Variants in ZDHHC15 observed in about 807,000 individuals in gnomAD.
The protein encoded by ZDHHC15 is palmitoyltransferase ZDHHC15.
A neutral mutation model predicts 31.7 loss-of-function variants in ZDHHC15; 19 were observed. The observed-to-expected ratio is 0.60, with a 90% CI of 0.42 to 0.88. The LOEUF (loss-of-function observed/expected upper bound fraction) is 0.88, where lower values mean the gene tolerates loss of function less well. ZDHHC15 is among the 40% of genes least tolerant of loss of function. ZDHHC15 has a pLI of 0.00. For missense variants in ZDHHC15, 209 were observed against 251.2 expected (o/e 0.83, Z 1.14); for synonymous variants, 103 against 90.0 (o/e 1.14, Z -0.82).
At chrX:75,418,724 C>G (rs866561987) in intron 9 of ZDHHC15, among the ~76,000 whole-genome samples, 1 of 111,939 alleles carries the variant, frequency 8.9e-6, no homozygotes, top group Non-Finnish European at 1.9e-5. Context: ...CCCTATTTAA[C>G]AAATGGTGTT....
chrX:75,496,764 T>G (rs1391194909), intron 2 of ZDHHC15, among the ~76,000 whole-genome samples: 1 of 111,258 alleles, frequency 9.0e-6, no homozygotes, highest in Non-Finnish European at 1.9e-5. Context: ...AACAGTAAAA[T>G]CAAGATGGAA....
At chrX:75,386,042 T>C in intron 10 of ZDHHC15, among the ~76,000 whole-genome samples, 1 of 112,383 alleles carries the variant, frequency 8.9e-6, no homozygotes, top group East Asian at 2.8e-4. Context: ...TTATTTTTTC[T>C]GTTATTCTTT....
intron 10 of ZDHHC15, among the ~76,000 whole-genome samples, chrX:75,414,493 G>C (rs775830946): frequency 1.0e-5 from 1 of 98,125 alleles, no homozygotes; most frequent in Non-Finnish European, 2.0e-5. Context: ...GCAGCGGCGC[G>C]ATCTCGGCTC....
At chrX:75,410,924 C>A (rs1393864213) in intron 10 of ZDHHC15, among the ~76,000 whole-genome samples, 1 of 112,026 alleles carries the variant, frequency 8.9e-6, no homozygotes, top group Non-Finnish European at 1.9e-5. Flanking sequence ...ACGTTAAAAT[C>A]CTGTCATTTG....
At chrX:75,430,522 T>C (rs1274003769) in intron 5 of ZDHHC15, among the ~76,000 whole-genome samples, 3 of 111,579 alleles carry the variant, frequency 2.7e-5, no homozygotes, top group Non-Finnish European at 5.6e-5. Context: ...AAATAAATGA[T>C]TGAATAAATA....
chrX:75,452,936 G>T (rs1415554853), intron 3 of ZDHHC15, among the ~76,000 whole-genome samples: 2 of 111,793 alleles, frequency 1.8e-5, no homozygotes, highest in African/African-American at 6.5e-5. Context: ...AAGCAGGAAA[G>T]ATCTAAAATC....
intron 3 of ZDHHC15, among the ~76,000 whole-genome samples, chrX:75,459,978 C>T (rs983431160): frequency 7.2e-5 from 8 of 111,870 alleles, no homozygotes; most frequent in South Asian, 3.8e-4. Flanking sequence ...CAGGTTCAAG[C>T]GATTTTCCTG....
intron 11 of ZDHHC15, among the ~76,000 whole-genome samples, chrX:75,374,924 A>G (rs2083043435): frequency 9.0e-6 from 1 of 111,057 alleles, no homozygotes; most frequent in Non-Finnish European, 1.9e-5. Flanking sequence ...GTTATTTATA[A>G]AAGTGCAGAA....
At chrX:75,489,290 C>T (rs1393288138) in intron 2 of ZDHHC15, among the ~76,000 whole-genome samples, 2 of 112,128 alleles carry the variant, frequency 1.8e-5, no homozygotes, top group African/African-American at 6.5e-5. Context: ...GACAGACTGC[C>T]TCCTCAAGTG....
At chrX:75,389,184 A>T (rs1415924253) in intron 10 of ZDHHC15, among the ~76,000 whole-genome samples, 2 of 111,653 alleles carry the variant, frequency 1.8e-5, no homozygotes, top group African/African-American at 3.3e-5. Flanking sequence ...TCAGATAAGA[A>T]ATGCCAATCC....
rs753020306 is a variant in ZDHHC15 at position 75,377,692 on chromosome X, C to T, written c.*32+1428G>A. ...ATTAATGGTCCTGATAAGTATTGCA[C>T]GAAATACTAGGTTCCATGATAGGCA... On this transcript the variant is annotated intron_variant, in intron 11 of 11. Transcript: ENST00000373367. 2.7e-3 allele frequency among the ~76,000 whole-genome samples: 291 copies of T among 109,735 alleles called. 1 individual carries two copies. Among genetic ancestry groups the T allele is most frequent in the Non-Finnish European group, 4.7e-3 (246 of 52,697 alleles).
chrX:75,476,679 ACT>A (rs1283836873), intron 3 of ZDHHC15, among the ~76,000 whole-genome samples: 1 of 94,635 alleles, frequency 1.1e-5, no homozygotes, highest in African/African-American at 4.0e-5. Flanking sequence ...TTGTGCCTGT[ACT>A]CTTTTTTATG....
chrX:75,510,376 A>T (rs948462211), intron 1 of ZDHHC15, among the ~76,000 whole-genome samples: 3 of 110,114 alleles, frequency 2.7e-5, no homozygotes, highest in Non-Finnish European at 5.7e-5. Flanking sequence ...CATATGAATG[A>T]CATAAAACTG....
chrX:75,403,285 C>T (rs1278357720), intron 10 of ZDHHC15, among the ~76,000 whole-genome samples: 1 of 111,292 alleles, frequency 9.0e-6, no homozygotes, highest in African/African-American at 3.3e-5. Flanking sequence ...ACTGAATGGG[C>T]CAAAGCAGGA....
intron 10 of ZDHHC15, among the ~76,000 whole-genome samples, chrX:75,405,326 G>A (rs981098325): frequency 1.5e-4 from 17 of 110,874 alleles, no homozygotes; most frequent in African/African-American, 4.3e-4. Flanking sequence ...ACAAATCCCC[G>A]TGACATGAGT....
At chrX:75,435,667 A>G (rs2147872086) in intron 4 of ZDHHC15, among the ~76,000 whole-genome samples, 1 of 112,469 alleles carries the variant, frequency 8.9e-6, no homozygotes, top group Non-Finnish European at 1.9e-5. Flanking sequence ...GTGTTAAACC[A>G]ACCCTGAATC....
chrX:75,465,275 A>G (rs779681826), intron 3 of ZDHHC15, among the ~76,000 whole-genome samples: 8 of 112,032 alleles, frequency 7.1e-5, no homozygotes, highest in African/African-American at 2.3e-4. Context: ...TTCAAGGAGA[A>G]CTACAAACCA....
intron 3 of ZDHHC15, among the ~76,000 whole-genome samples, chrX:75,478,440 T>C (rs986546388): frequency 4.5e-5 from 5 of 111,372 alleles, no homozygotes; most frequent in Admixed American, 9.6e-5. Context: ...TGGAGTGTAG[T>C]GGCACCATCA....
intron 5 of ZDHHC15, among the ~76,000 whole-genome samples, chrX:75,430,329 A>G (rs2083765901): frequency 8.9e-6 from 1 of 111,866 alleles, no homozygotes; most frequent in South Asian, 3.7e-4. Context: ...ATATATGGCT[A>G]TAGCCTCTAT....
Sources: gnomAD v4.1 joint callset for allele counts (sites outside exome capture counted in the v4.1 genomes callset) on GRCh38, gnomAD v4.1.1 for gene constraint, MANE v1.5 for transcripts, NCBI Gene and HGNC (gene_info 2026-07-23, HGNC 2026-07-21) for gene names.